Variants in ZC3H12B observed in about 807,000 individuals in gnomAD.
The protein encoded by ZC3H12B is probable ribonuclease ZC3H12B.
ZC3H12B carries 7 observed loss-of-function variants against 43.9 expected under a neutral mutation model. The ratio of observed to expected loss-of-function variants is 0.16; its 90% confidence interval spans 0.09 to 0.30. The LOEUF (loss-of-function observed/expected upper bound fraction) is 0.30. Ranked by LOEUF, ZC3H12B falls within the 10% of genes least tolerant of loss-of-function variation. The pLI is 1.00. For missense variants in ZC3H12B, 475 were observed against 670.2 expected, an observed-to-expected ratio of 0.71 and a Z score of 3.22; for synonymous variants, 222 against 241.7, an observed-to-expected ratio of 0.92 and a Z score of 0.76.
the ZC3H12B span, among the ~76,000 whole-genome samples, chrX:65,234,456 A>G: frequency 8.9e-6 from 1 of 111,927 alleles, no homozygotes; most frequent in Non-Finnish European, 1.9e-5. Context: ...GAGCAAGACA[A>G]GGATCCCCAC....
At chrX:65,404,744 T>C (rs1202310857) in intron 3 of ZC3H12B, among the ~76,000 whole-genome samples, 1 of 111,604 alleles carries the variant, frequency 9.0e-6, no homozygotes, top group Non-Finnish European at 1.9e-5. Context: ...TAGTTCCCAA[T>C]ACAATAATAT....
At chrX:65,129,954 A>G in the ZC3H12B span, among the ~76,000 whole-genome samples, 8 of 111,351 alleles carry the variant, frequency 7.2e-5, no homozygotes, top group African/African-American at 2.3e-4. Flanking sequence ...ATGGTTTTGT[A>G]TGAATTGAGA....
chrX:65,324,261 T>G, the ZC3H12B span, among the ~76,000 whole-genome samples: 1 of 112,032 alleles, frequency 8.9e-6, no homozygotes, highest in Non-Finnish European at 1.9e-5. Context: ...AGTCATGAAG[T>G]CTTTGCCCAT....
chrX:65,372,916 A>G (rs948014649), intron 2 of ZC3H12B, among the ~76,000 whole-genome samples: 3 of 112,466 alleles, frequency 2.7e-5, no homozygotes, highest in African/African-American at 9.7e-5. Context: ...CAGTAGTAAA[A>G]TACATAAAAC....
the ZC3H12B span, among the ~76,000 whole-genome samples, chrX:65,076,717 T>G: frequency 1.4e-4 from 16 of 111,429 alleles, no homozygotes; most frequent in Admixed American, 2.9e-4. Context: ...TTTTGGCTGT[T>G]GTATTTTTTT....
intron 2 of ZC3H12B, among the ~76,000 whole-genome samples, chrX:65,383,545 A>T (rs933986461): frequency 8.9e-6 from 1 of 111,816 alleles, no homozygotes; most frequent in Non-Finnish European, 1.9e-5. Context: ...AGGCTTGGGC[A>T]AGGACTTCAT....
chrX:65,189,495 G>A, the ZC3H12B span, among the ~76,000 whole-genome samples: 1 of 108,480 alleles, frequency 9.2e-6, no homozygotes, highest in Admixed American at 9.8e-5. Context: ...CATTCTAAAT[G>A]GTGTGAGATG....
chrX:65,180,136 C>T, the ZC3H12B span, among the ~76,000 whole-genome samples: 1 of 111,905 alleles, frequency 8.9e-6, no homozygotes, highest in African/African-American at 3.2e-5. Context: ...TCTAGCAGCA[C>T]ATCAAAAAGC....
the ZC3H12B span, among the ~76,000 whole-genome samples, chrX:65,099,781 CG>C: frequency 5.4e-5 from 6 of 111,256 alleles, no homozygotes; most frequent in Admixed American, 5.7e-4. Flanking sequence ...GAGGAAAAAC[CG>C]GCCCAAAAAT....
At chrX:65,116,510 A>C in the ZC3H12B span, among the ~76,000 whole-genome samples, 2 of 110,905 alleles carry the variant, frequency 1.8e-5, no homozygotes, top group African/African-American at 6.6e-5. Context: ...CTTTTTGCTA[A>C]GACTTGCTTT....
At chrX:65,244,162 A>G in the ZC3H12B span, among the ~76,000 whole-genome samples, 1 of 111,524 alleles carries the variant, frequency 9.0e-6, no homozygotes, top group Non-Finnish European at 1.9e-5. Flanking sequence ...TATGTTTAAG[A>G]TGATAGCTAT....
the ZC3H12B span, among the ~76,000 whole-genome samples, chrX:65,245,270 A>T: frequency 1.8e-5 from 2 of 111,578 alleles, no homozygotes; most frequent in African/African-American, 6.5e-5. Context: ...CAACCAAAAG[A>T]AGCCCAGGAC....
chrX:65,459,947 A>T (rs935976952), intron 3 of ZC3H12B, among the ~76,000 whole-genome samples: 2 of 111,926 alleles, frequency 1.8e-5, no homozygotes, highest in East Asian at 5.6e-4. Flanking sequence ...ATGATTGTAA[A>T]TCTAGAAAAC....
intron 3 of ZC3H12B, among the ~76,000 whole-genome samples, chrX:65,413,144 C>A (rs971036910): frequency 9.0e-6 from 1 of 110,891 alleles, no homozygotes; most frequent in African/African-American, 3.3e-5. Flanking sequence ...AAAAATCGGG[C>A]TGTTTGTCCT....
At chrX:65,091,982 G>T in the ZC3H12B span, among the ~76,000 whole-genome samples, 1 of 111,813 alleles carries the variant, frequency 8.9e-6, no homozygotes, top group Non-Finnish European at 1.9e-5. Flanking sequence ...GATCATGGGG[G>T]TGAATCCTTT....
the ZC3H12B span, among the ~76,000 whole-genome samples, chrX:65,151,997 T>A: frequency 8.9e-6 from 1 of 111,924 alleles, no homozygotes; most frequent in Admixed American, 9.5e-5. Flanking sequence ...ATTATCTCAA[T>A]AGATACAGAA....
the ZC3H12B span, among the ~76,000 whole-genome samples, chrX:65,166,721 T>C: frequency 2.1e-4 from 24 of 111,878 alleles, no homozygotes; most frequent in Non-Finnish European, 3.0e-4. Context: ...TTCTTGACTT[T>C]TTAATGATCG....
the ZC3H12B span, among the ~76,000 whole-genome samples, chrX:65,336,356 A>C: frequency 8.9e-6 from 1 of 112,267 alleles, no homozygotes; most frequent in East Asian, 2.8e-4. Context: ...GCCAAGCCAC[A>C]ACACAAAGGA....
the ZC3H12B span, among the ~76,000 whole-genome samples, chrX:65,203,059 A>G: frequency 2.7e-5 from 3 of 111,424 alleles, no homozygotes; most frequent in Non-Finnish European, 3.8e-5. Flanking sequence ...GCTACTGCCA[A>G]TGTTCACTCA....
Sources: gnomAD v4.1 joint callset for allele counts (sites outside exome capture counted in the v4.1 genomes callset) on GRCh38, gnomAD v4.1.1 for gene constraint, MANE v1.5 for transcripts, NCBI Gene and HGNC (gene_info 2026-07-23, HGNC 2026-07-21) for gene names.